Variants in SLC36A4 observed in about 807,000 individuals in gnomAD.
SLC36A4 encodes the protein solute carrier family 36 member 4, also known as neutral amino acid uniporter 4.
A neutral mutation model predicts 50.5 loss-of-function variants in SLC36A4; 49 were observed. That is an observed-to-expected ratio of 0.97 (90% CI 0.77 to 1.23). SLC36A4 has a LOEUF of 1.23. Among genes scored for constraint, SLC36A4 ranks in the 50% most tolerant of loss-of-function variants. SLC36A4 has a pLI of 0.00. For synonymous variants in SLC36A4, 207 were observed against 206.5 expected (o/e 1.00, Z -0.02); for missense variants, 611 against 608.4 (o/e 1.00, Z -0.05).
chr11:93,180,100 A>C, intron 6 of SLC36A4: 1 of 951,370 alleles, frequency 1.1e-6, no homozygotes, highest in East Asian at 1.2e-4. Flanking sequence ...TGTACCATGG[A>C]CATGTGGATA....
chr11:93,171,464 T>C (rs978942392), intron 6 of SLC36A4: 2 of 152,070 alleles, frequency 1.3e-5, no homozygotes, highest in Non-Finnish European at 2.9e-5. Context: ...CCTAATTCCA[T>C]ATGACTTAGG....
intron 4 of SLC36A4, chr11:93,182,285 A>T: frequency 1.1e-6 from 1 of 908,110 alleles, no homozygotes; most frequent in Non-Finnish European, 1.3e-6. Context: ...CTCATAAATG[A>T]TTTGCCCAAA....
rs574066721 is a variant in SLC36A4, at chr11:93,196,996, C to T, written c.55+782G>A. On this transcript the variant is annotated intron_variant, in intron 1 of 10. Coordinates refer to ENST00000326402, the MANE Select transcript of SLC36A4 (RefSeq NM_152313.4). ...TGAAAACAATTCCATTGCAAAGTGC[C>T]CTGCAGGCTATTAGAGGAATAACAA... is the stretch of plus-strand genomic sequence containing the variant. 2.0e-5 allele frequency among the ~76,000 whole-genome samples: 3 copies of T among 152,218 alleles called. 1 individual carries two copies. In the South Asian group the frequency reaches 6.2e-4, roughly 32 times the overall value.
At chr11:93,179,342 C>T (rs1349235694) in intron 6 of SLC36A4, among the ~76,000 whole-genome samples, 1 of 152,174 alleles carries the variant, frequency 6.6e-6, no homozygotes, top group African/African-American at 2.4e-5. Flanking sequence ...GGAGTCCCTT[C>T]CTTCATAAGG....
intron 6 of SLC36A4, among the ~76,000 whole-genome samples, chr11:93,169,805 A>G (rs887658677): frequency 1.3e-5 from 2 of 152,138 alleles, no homozygotes; most frequent in African/African-American, 4.8e-5. Context: ...TTTTACAAAC[A>G]TATTTGATTG....
chr11:93,195,727 T>G (rs10831006), intron 1 of SLC36A4, among the ~76,000 whole-genome samples: 96,499 of 151,958 alleles, frequency 0.64, 31,303 homozygotes, highest in East Asian at 0.81. Flanking sequence ...AGCCACTTTG[T>G]CCTCCTTGCT....
At chr11:93,192,377 T>C (rs1428583414) in intron 1 of SLC36A4, among the ~76,000 whole-genome samples, 2 of 151,588 alleles carry the variant, frequency 1.3e-5, no homozygotes, top group African/African-American at 4.9e-5. Flanking sequence ...GAGGAATGAG[T>C]GCGGGGGAGG....
chr11:93,188,846 G>C (rs1862096836), intron 1 of SLC36A4, among the ~76,000 whole-genome samples: 1 of 152,100 alleles, frequency 6.6e-6, no homozygotes, highest in Admixed American at 6.6e-5. Flanking sequence ...AAGTTCTAGA[G>C]GCTATTAGTC....
chr11:93,148,698 T>C lies in SLC36A4; in HGVS notation c.1354A>G (p.Lys452Glu). ...KEHYNIWMVL[K>E]NISIAFTGVV... is the part of the protein sequence containing the mutation. The stretch of plus-strand genomic sequence containing the variant: ...CCAGTGAATGCTATAGAAATATTTT[T>C]CAGGACCATCCATATATTATAATGT... Residue 452 changes from lysine to glutamate, a missense_variant, in exon 11 of 11, where the codon AAA becomes GAA. Physicochemically the swap from Lys to Glu is moderately conservative, Grantham distance 56. Coordinates refer to ENST00000326402, the MANE Select transcript of SLC36A4 (RefSeq NM_152313.4). 2 of 1,612,946 alleles carry C rather than the reference T, an allele frequency of 1.2e-6. No individual in the cohort carries two copies. The highest frequency in any genetic ancestry group is 1.7e-6 in the Non-Finnish European group (2 of 1,179,346).
At chr11:93,192,475 G>C (rs567068270) in intron 1 of SLC36A4, among the ~76,000 whole-genome samples, 5 of 152,260 alleles carry the variant, frequency 3.3e-5, no homozygotes, top group Non-Finnish European at 2.9e-5. Flanking sequence ...AAAGCCACTA[G>C]AGCAGTGCCT....
At chr11:93,168,328 T>C (rs1860978320) in intron 6 of SLC36A4, among the ~76,000 whole-genome samples, 157 bp from the exon 7 acceptor site, 1 of 152,122 alleles carries the variant, frequency 6.6e-6, no homozygotes, top group Non-Finnish European at 1.5e-5. Context: ...TTCAAGATAC[T>C]CTGGTTTCCT....
At chr11:93,156,565 G>A (rs1217514433) in intron 9 of SLC36A4, among the ~76,000 whole-genome samples, 5 of 151,810 alleles carry the variant, frequency 3.3e-5, no homozygotes, top group Admixed American at 6.6e-5. Context: ...GACTACAGGC[G>A]CCTGCCACCA....
intron 6 of SLC36A4, chr11:93,171,999 C>T (rs573921230): frequency 6.6e-6 from 1 of 152,262 alleles, no homozygotes; most frequent in East Asian, 1.9e-4. Flanking sequence ...AGACCTTTCA[C>T]TCTATTCTGT....
chr11:93,190,724 G>A (rs1862183056), intron 1 of SLC36A4, among the ~76,000 whole-genome samples: 3 of 152,024 alleles, frequency 2.0e-5, no homozygotes, highest in Admixed American at 6.6e-5. Context: ...TTCTAACTAT[G>A]CGCTTAAATA....
chr11:93,148,426 A>C lies in SLC36A4; in HGVS notation c.*111T>G, dbSNP rs1859927036. The C allele has an allele frequency of 1.0e-6, 1 of 967,358 alleles. No individual in the cohort carries two copies. The highest frequency in any genetic ancestry group is 2.4e-5 in the Admixed American group (1 of 41,550). The allele number at this position is 967,358 out of a possible 1,614,324, so 59.9% of individuals were successfully genotyped here. A position where few individuals can be genotyped will look rare whatever the true frequency, so the allele number is the denominator to read the frequency against. ...CTTCCAAAATATTAATATCGTGCCAAAGAAAACAGAGTTTGTTACCATTTT... is the reference window on the plus strand; with the variant it reads ...CTTCCAAAATATTAATATCGTGCCACAGAAAACAGAGTTTGTTACCATTTT... On this transcript the variant is annotated 3_prime_UTR_variant, in exon 11 of 11. Coordinates refer to ENST00000326402, the MANE Select transcript of SLC36A4 (RefSeq NM_152313.4).
rs947273015 is a variant in SLC36A4, at chr11:93,197,858, C to T, written c.-26G>A. 1.3e-6 allele frequency: 2 copies of T among 1,533,424 alleles called. No homozygotes were observed. Among genetic ancestry groups the T allele is most frequent in the Non-Finnish European group, 1.7e-6 (2 of 1,147,222 alleles). The allele number at this position is 1,533,424 out of a possible 1,614,324, so 95.0% of individuals were successfully genotyped here. On this transcript the variant is annotated 5_prime_UTR_variant, in exon 1 of 11. Coordinates refer to ENST00000326402, the MANE Select transcript of SLC36A4 (RefSeq NM_152313.4). ...CTCTCGCGGGTCTCCAGGACGCCGCCGCCCGAGTGCTCACTCTCCCGCCGC... is the reference window on the plus strand; with the variant it reads ...CTCTCGCGGGTCTCCAGGACGCCGCTGCCCGAGTGCTCACTCTCCCGCCGC...
Position 93,154,179 on chromosome 11 carries a change from G to A in SLC36A4, c.1136C>T (p.Thr379Ile), listed in dbSNP as rs1860238090. 2 of 1,566,788 alleles carry A rather than the reference G, an allele frequency of 1.3e-6. No homozygotes were observed. The highest frequency in any genetic ancestry group is 1.7e-6 in the Non-Finnish European group (2 of 1,160,012). ...CTTCCATTTAGTATGAAATTTGGAT[G>A]TGATCCCAGGGATAATGATCTCTGC... The part of the protein sequence containing the change: ...VPAEIIIPGI[T>I]SKFHTKWKQI... Residue 379 changes from threonine (T) to isoleucine (I), a missense_variant, in exon 10 of 11, where the codon ACA (threonine) becomes ATA (isoleucine). Thr to Ile is a moderately conservative substitution (Grantham distance 89). Transcript: ENST00000326402.
intron 9 of SLC36A4, chr11:93,160,441 G>T (rs1860567776): frequency 1.0e-6 from 1 of 985,236 alleles, no homozygotes; most frequent in Non-Finnish European, 1.2e-6. Flanking sequence ...TTTAAATCAA[G>T]AGTCTCAACT....
intron 9 of SLC36A4, chr11:93,160,699 C>G (rs1048818315): frequency 3.0e-6 from 3 of 985,140 alleles, no homozygotes; most frequent in East Asian, 2.3e-4. Flanking sequence ...AAACTTCCCC[C>G]CTAAAATATT....
Sources: gnomAD v4.1 joint callset for allele counts (sites outside exome capture counted in the v4.1 genomes callset) on GRCh38, gnomAD v4.1.1 for gene constraint, MANE v1.5 for transcripts, NCBI Gene and HGNC (gene_info 2026-07-23, HGNC 2026-07-21) for gene names.